The following LDB2 variants were observed in gnomAD, a reference collection of about 807,000 sequenced individuals.
LDB2 encodes the protein LIM domain binding 2.
A neutral mutation model predicts 44.3 loss-of-function variants in LDB2; 12 were observed. The observed-to-expected ratio is 0.27, with a 90% CI of 0.17 to 0.44. The LOEUF is 0.44. Ranked by LOEUF, LDB2 falls within the 20% of genes least tolerant of loss-of-function variation. The pLI is 1.00. For synonymous variants in LDB2, 164 were observed against 174.8 expected (o/e 0.94, Z 0.49); for missense variants, 344 against 473.5 (o/e 0.73, Z 2.54).
intron 2 of LDB2, among the ~76,000 whole-genome samples, chr4:16,607,302 C>A (rs1017721767): frequency 6.6e-6 from 1 of 152,184 alleles, no homozygotes; most frequent in Non-Finnish European, 1.5e-5. Flanking sequence ...CCCAGGGGGG[C>A]CTTGCTTCAT....
intron 1 of LDB2, among the ~76,000 whole-genome samples, chr4:16,846,740 T>G (rs559373496): frequency 1.3e-5 from 2 of 152,358 alleles, no homozygotes; most frequent in East Asian, 3.9e-4. Context: ...TCATGTCATT[T>G]ACATGAAAAT....
intron 5 of LDB2, among the ~76,000 whole-genome samples, chr4:16,529,918 C>G (rs901089101): frequency 6.6e-6 from 1 of 152,150 alleles, no homozygotes; most frequent in Non-Finnish European, 1.5e-5. Context: ...AGAATGTGTT[C>G]TTTATGCCCT....
intron 2 of LDB2, among the ~76,000 whole-genome samples, chr4:16,615,472 G>A (rs1240008342): frequency 6.6e-6 from 1 of 152,132 alleles, no homozygotes; most frequent in East Asian, 1.9e-4. Flanking sequence ...GGATGAAGCT[G>A]GAAGCCATCA....
At chr4:16,894,178 C>T (rs115945045) in intron 1 of LDB2, among the ~76,000 whole-genome samples, 2,107 of 152,200 alleles carry the variant, frequency 0.014, 22 homozygotes, top group Middle Eastern at 0.051. Flanking sequence ...AGTGTTAAAA[C>T]TATATAATTG....
chr4:16,872,533 T>A (rs1207558458), intron 1 of LDB2, among the ~76,000 whole-genome samples: 1 of 152,192 alleles, frequency 6.6e-6, no homozygotes, highest in East Asian at 1.9e-4. Context: ...TTTGTTGTTA[T>A]CACTGCTTCT....
At chr4:16,724,452 G>A (rs779357533) in intron 2 of LDB2, among the ~76,000 whole-genome samples, 14 of 151,572 alleles carry the variant, frequency 9.2e-5, no homozygotes, top group Admixed American at 2.6e-4. Flanking sequence ...ATCCTGTCTC[G>A]TTCACCTGTG....
intron 1 of LDB2, among the ~76,000 whole-genome samples, chr4:16,776,164 G>A (rs537062446): frequency 5.3e-5 from 8 of 152,272 alleles, no homozygotes; most frequent in African/African-American, 1.9e-4. Context: ...GTGACCTTAA[G>A]TAAGTCCAAA....
At chr4:16,863,701 C>T (rs1385672198) in intron 1 of LDB2, among the ~76,000 whole-genome samples, 5 of 121,062 alleles carry the variant, frequency 4.1e-5, no homozygotes, top group South Asian at 2.8e-4. Flanking sequence ...CACTCTGTTA[C>T]CCAGGCTAGA....
chr4:16,682,598 T>C (rs1043559455), intron 2 of LDB2, among the ~76,000 whole-genome samples: 1 of 152,222 alleles, frequency 6.6e-6, no homozygotes, highest in Non-Finnish European at 1.5e-5. Context: ...CTGATGTTTC[T>C]TTCCTATGAT....
intron 1 of LDB2, among the ~76,000 whole-genome samples, chr4:16,822,039 G>A (rs897593135): frequency 3.3e-5 from 5 of 151,800 alleles, no homozygotes; most frequent in Non-Finnish European, 5.9e-5. Flanking sequence ...TCTTAGCTCT[G>A]CTACTTAGTA....
intron 2 of LDB2, among the ~76,000 whole-genome samples, chr4:16,705,205 G>C (rs1409385873): frequency 6.6e-6 from 1 of 152,030 alleles, no homozygotes; most frequent in Non-Finnish European, 1.5e-5. Flanking sequence ...TCACTTCATA[G>C]AAGAAGTGTG....
chr4:16,883,827 A>G (rs539406605), intron 1 of LDB2, among the ~76,000 whole-genome samples: 1 of 152,242 alleles, frequency 6.6e-6, no homozygotes, highest in South Asian at 2.1e-4. Context: ...CATGGCCCAC[A>G]TTGTAGACCT....
At chr4:16,670,862 T>G (rs770577069) in intron 2 of LDB2, among the ~76,000 whole-genome samples, 4 of 152,144 alleles carry the variant, frequency 2.6e-5, no homozygotes, top group Admixed American at 6.5e-5. Context: ...ATTTATTGAG[T>G]GTTTACAATA....
At chr4:16,626,151 G>A (rs1256969538) in intron 2 of LDB2, among the ~76,000 whole-genome samples, 1 of 152,200 alleles carries the variant, frequency 6.6e-6, no homozygotes, top group Non-Finnish European at 1.5e-5. Flanking sequence ...TGAGGGAAAT[G>A]AGAATTAAAG....
chr4:16,557,041 A>G (rs1247385764), intron 5 of LDB2, among the ~76,000 whole-genome samples: 2 of 152,210 alleles, frequency 1.3e-5, no homozygotes, highest in East Asian at 1.9e-4. Flanking sequence ...CTTTCCTTCC[A>G]TGAAGAATTT....
intron 1 of LDB2, among the ~76,000 whole-genome samples, chr4:16,858,056 G>A (rs1291548928): frequency 6.6e-6 from 1 of 151,980 alleles, no homozygotes; most frequent in Non-Finnish European, 1.5e-5. Flanking sequence ...AATAATTACT[G>A]ATTATTTGAT....
intron 1 of LDB2, among the ~76,000 whole-genome samples, chr4:16,799,267 A>G (rs1483871003): frequency 6.6e-6 from 1 of 152,256 alleles, no homozygotes. Context: ...TCTAGAAAGA[A>G]GTCTCCCCAA....
intron 2 of LDB2, among the ~76,000 whole-genome samples, chr4:16,699,957 C>A (rs1578884931): frequency 6.6e-6 from 1 of 152,278 alleles, no homozygotes; most frequent in Non-Finnish European, 1.5e-5. Context: ...TTCAGATAAA[C>A]AATGAATACA....
At chr4:16,584,328 A>G (rs956196240) in intron 5 of LDB2, among the ~76,000 whole-genome samples, 5 of 152,214 alleles carry the variant, frequency 3.3e-5, no homozygotes. Context: ...AAAGGCAAGA[A>G]AGATATGACC....
Sources: gnomAD v4.1 joint callset for allele counts (sites outside exome capture counted in the v4.1 genomes callset) on GRCh38, gnomAD v4.1.1 for gene constraint, MANE v1.5 for transcripts, NCBI Gene and HGNC (gene_info 2026-07-23, HGNC 2026-07-21) for gene names.